Variants in SLC10A2 observed in about 807,000 individuals in gnomAD.
SLC10A2 encodes the protein solute carrier family 10 member 2, also known as ileal sodium/bile acid cotransporter.
In SLC10A2, 34 loss-of-function variants were observed where a neutral mutation model predicts 27.1. The observed-to-expected ratio is 1.26, with a 90% CI of 0.96 to 1.67. The LOEUF is 1.67. SLC10A2 is among the 40% of genes most tolerant of loss of function. The pLI is 0.00. For synonymous variants in SLC10A2, 205 were observed against 174.0 expected, an observed-to-expected ratio of 1.18 and a Z score of -1.40; for missense variants, 530 against 444.4, an observed-to-expected ratio of 1.19 and a Z score of -1.73.
intron 5 of SLC10A2, among the ~76,000 whole-genome samples, chr13:103,047,025 C>A (rs959619089): frequency 2.0e-5 from 3 of 152,160 alleles, no homozygotes; most frequent in African/African-American, 7.2e-5. Flanking sequence ...GATTTTTCTT[C>A]TACTTCTCAA....
In SLC10A2 at chr13:103,051,335, A is replaced by G. The variant is rs755270833; in HGVS notation, c.683T>C (p.Ile228Thr). The G allele has an allele frequency of 1.5e-5, 25 of 1,613,982 alleles. No individual in the cohort carries two copies. The highest frequency in any genetic ancestry group is 1.9e-5 in the Non-Finnish European group (22 of 1,179,966). Residue 228 changes from isoleucine (I) to threonine (T), a missense_variant, in exon 4 of 6, where the codon ATT becomes ACT. Physicochemically the swap from Ile to Thr is moderately conservative, Grantham distance 89. Transcript: ENST00000245312. ...SAWIIAPKLW[I>T]IGTIFPVAGY... ...CGCCACAGGAAATATTGTTCCTATA[A>G]TCCACAGTTTGGGAGCAATGATCCA...
intron 1 of SLC10A2, among the ~76,000 whole-genome samples, chr13:103,060,321 A>G (rs9557996): frequency 0.55 from 83,406 of 151,418 alleles, 25,874 homozygotes; most frequent in East Asian, 0.7. Context: ...AGAATGAGCC[A>G]ATGGTGTCCG....
At chr13:103,053,504 C>T (rs1240435372) in intron 2 of SLC10A2, among the ~76,000 whole-genome samples, 2 of 152,160 alleles carry the variant, frequency 1.3e-5, no homozygotes, top group Admixed American at 1.3e-4. Context: ...ATTTAACACT[C>T]ATTTGTCCAA....
At chr13:103,048,168 G>T (rs1875666081) in intron 5 of SLC10A2, among the ~76,000 whole-genome samples, 1 of 151,980 alleles carries the variant, frequency 6.6e-6, no homozygotes, top group Non-Finnish European at 1.5e-5. Flanking sequence ...TGTTAGCCAG[G>T]ATGGTCTCGA....
chr13:103,048,247 C>G (rs889321919), intron 5 of SLC10A2, among the ~76,000 whole-genome samples: 1 of 151,978 alleles, frequency 6.6e-6, no homozygotes, highest in African/African-American at 2.4e-5. Context: ...CAAAATTAGC[C>G]TGTCATGGTG....
chr13:103,050,418 G>A (rs1367174068), intron 4 of SLC10A2, among the ~76,000 whole-genome samples: 6 of 152,106 alleles, frequency 3.9e-5, no homozygotes, highest in Admixed American at 1.3e-4. Context: ...CTGTGGATTC[G>A]ATGGATTAGT....
chr13:103,051,219 A>C (rs982748939), intron 4 of SLC10A2, 38 bp downstream of exon 4: 7 of 1,601,298 alleles, frequency 4.4e-6, no homozygotes, highest in Non-Finnish European at 6.0e-6. Flanking sequence ...CAGATATTAC[A>C]GATTAAAATT....
At chr13:103,054,629 A>C (rs1261953695) in intron 2 of SLC10A2, among the ~76,000 whole-genome samples, 1 of 152,188 alleles carries the variant, frequency 6.6e-6, no homozygotes, top group Non-Finnish European at 1.5e-5. Context: ...GAGGCAGCCC[A>C]AGCCAACGGG....
Position 103,051,270 on chromosome 13 carries a change from G to T in SLC10A2, c.748C>A (p.Leu250Ile). The change falls in exon 4 of 6, where the codon CTA (leucine) becomes ATA (isoleucine). Residue 250 changes from leucine to isoleucine, a missense_variant. Coordinates refer to ENST00000245312, the MANE Select transcript of SLC10A2 (RefSeq NM_000452.3). ...LGFLLARIAGLPWYRCRTVAF... is the reference protein window; with the variant it reads ...LGFLLARIAGIPWYRCRTVAF... ...TAAATGCCATACCTGTACCAGGGTAGACCAGCAATTCTAGCCAGAAGAAAC... is the reference window on the plus strand; with the variant it reads ...TAAATGCCATACCTGTACCAGGGTATACCAGCAATTCTAGCCAGAAGAAAC... The T allele has an allele frequency of 1.2e-6, 2 of 1,613,946 alleles. No individual in the cohort carries two copies. Among genetic ancestry groups the T allele is most frequent in the Admixed American group, 1.7e-5 (1 of 59,994 alleles).
chr13:103,056,763 ATATTAAGGTTCTC>A (rs1230764457), intron 2 of SLC10A2, among the ~76,000 whole-genome samples: 1 of 151,984 alleles, frequency 6.6e-6, no homozygotes, highest in Non-Finnish European at 1.5e-5. Context: ...GTTATATATG[ATATTAAGGTTCTC>A]TCCTGGAGTC....
rs892620553 is a variant in SLC10A2, at chr13:103,045,880, T to G, written c.*253A>C. The stretch of plus-strand genomic sequence containing the variant: ...AGTCTGAGAATATTTTGGGGGAATA[T>G]TTCAATGACAATATATCTATATGAG... On this transcript the variant is annotated 3_prime_UTR_variant, in exon 6 of 6. Transcript: ENST00000245312. The G allele has an allele frequency of 2.9e-5, 9 of 310,630 alleles. No homozygotes were observed. The highest frequency in any genetic ancestry group is 1.7e-4 in the African/African-American group (8 of 46,568). The allele number at this position is 310,630 out of a possible 1,614,324, so 19.2% of individuals were successfully genotyped here.
chr13:103,060,870 T>C (rs994419386), intron 1 of SLC10A2, among the ~76,000 whole-genome samples: 7 of 121,126 alleles, frequency 5.8e-5, no homozygotes, highest in African/African-American at 2.2e-4. Flanking sequence ...AATATTTATA[T>C]TACCTGCCCC....
intron 1 of SLC10A2, among the ~76,000 whole-genome samples, chr13:103,063,069 A>G (rs1030163545): frequency 6.6e-6 from 1 of 152,196 alleles, no homozygotes; most frequent in Non-Finnish European, 1.5e-5. Context: ...CTTTTTGTGC[A>G]TGTGATGTCC....
chr13:103,057,345 C>G (rs949026648), intron 2 of SLC10A2, among the ~76,000 whole-genome samples: 1 of 152,082 alleles, frequency 6.6e-6, no homozygotes, highest in African/African-American at 2.4e-5. Context: ...ACTTAATCTC[C>G]CACTATAATT....
At chr13:103,048,025 C>G (rs891017970) in intron 5 of SLC10A2, among the ~76,000 whole-genome samples, 1 of 152,084 alleles carries the variant, frequency 6.6e-6, no homozygotes, top group Non-Finnish European at 1.5e-5. Context: ...GGAAAGGAAG[C>G]CTCTGCTTTG....
At chr13:103,065,595 A>T (rs1290024075) in intron 1 of SLC10A2, among the ~76,000 whole-genome samples, 1 of 152,146 alleles carries the variant, frequency 6.6e-6, no homozygotes, top group Non-Finnish European at 1.5e-5. Flanking sequence ...TTACTTTTTT[A>T]AAAAAGCTTT....
At chr13:103,049,785 C>T (rs952859961) in intron 4 of SLC10A2, among the ~76,000 whole-genome samples, 1 of 151,904 alleles carries the variant, frequency 6.6e-6, no homozygotes, top group African/African-American at 2.4e-5. Flanking sequence ...GAGCACAGGG[C>T]AGCAGCTCAG....
intron 1 of SLC10A2, among the ~76,000 whole-genome samples, chr13:103,062,021 T>C (rs9300784): frequency 0.87 from 132,603 of 152,152 alleles, 57,966 homozygotes; most frequent in Non-Finnish European, 0.91. Flanking sequence ...AAAATCTTGG[T>C]CTTAATTTTG....
chr13:103,066,194 C>T lies in SLC10A2; in HGVS notation c.56G>A (p.Cys19Tyr). 3 of 1,614,100 alleles carry T rather than the reference C, an allele frequency of 1.9e-6. No homozygotes were observed. The highest frequency in any genetic ancestry group is 2.5e-6 in the Non-Finnish European group (3 of 1,179,954). ...ATTGAAATTGCTCTCAGGTACCACA[C>T]AGGATGCACCAGAGCAAACTGTTGC... Reference protein sequence around the residue: ...DNATVCSGASCVVPESNFNNI... With the variant: ...DNATVCSGASYVVPESNFNNI... Residue 19 changes from cysteine (C) to tyrosine (Y), a missense_variant, in exon 1 of 6, where the codon TGT (cysteine) becomes TAT (tyrosine). By Grantham distance (194) the Cys-to-Tyr change is radical. Transcript: ENST00000245312.
Sources: allele counts gnomAD v4.1 joint callset (sites outside exome capture counted in the v4.1 genomes callset), GRCh38; gene constraint gnomAD v4.1.1; transcripts MANE v1.5; gene names NCBI Gene and HGNC (gene_info 2026-07-23, HGNC 2026-07-21).